MYH10: variants seen among roughly 807,000 people sequenced by gnomAD.
The protein encoded by MYH10 is myosin heavy chain 10.
A neutral mutation model predicts 257.8 loss-of-function variants in MYH10; 55 were observed. That is an observed-to-expected ratio of 0.21 (90% CI 0.17 to 0.27). The LOEUF (loss-of-function observed/expected upper bound fraction) is 0.27, where lower values mean the gene tolerates loss of function less well. Among genes scored for constraint, MYH10 ranks in the 10% least tolerant of loss-of-function variants. The pLI is 1.00. For synonymous variants in MYH10, 854 were observed against 921.7 expected (o/e 0.93, Z 1.33); for missense variants, 1,631 against 2,500.6 (o/e 0.65, Z 7.42).
At position 8,477,034 on chromosome 17, in the gene MYH10, G is replaced by T; in HGVS notation, c.5721C>A (p.Asn1907Lys). ...GGCGTTTAAGCTGCTTCATCCGAGC[G>T]TTGGCCTTCTCCATCTTGGGGAGGG... ...DQYKEQMEKANARMKQLKRQL... is the reference protein window; with the variant it reads ...DQYKEQMEKAKARMKQLKRQL... The change falls in exon 42 of 43, where the codon AAC becomes AAA. Residue 1907 changes from asparagine to lysine, a missense_variant. Asn to Lys is a moderately conservative substitution (Grantham distance 94). Around this residue, in one of 11 missense-constraint regions of MYH10, gnomAD observed 343 missense variants for 389.5 expected, o/e 0.88. Coordinates refer to ENST00000360416, the MANE Select transcript of MYH10 (RefSeq NM_001256012.3). The surrounding 1 kb of genome is among the most constrained non-coding windows in gnomAD (Gnocchi z 4.2). The T allele has an allele frequency of 6.2e-7, 1 of 1,614,090 alleles. No individual in the cohort carries two copies. Among genetic ancestry groups the T allele is most frequent in the Non-Finnish European group, 8.5e-7 (1 of 1,180,040 alleles).
chr17:8,512,340 A>C, intron 24 of MYH10, 111 bp downstream of exon 24: 1 of 803,694 alleles, frequency 1.2e-6, no homozygotes. Flanking sequence ...ATAACCCAGA[A>C]CCCTTTTGCT....
rs766667709 is a variant in MYH10, at chr17:8,492,809, G to C, written c.4425C>G (p.Ser1475=). 18 of 1,613,896 alleles carry C rather than the reference G, an allele frequency of 1.1e-5. No individual in the cohort carries two copies. The highest frequency in any genetic ancestry group is 1.4e-5 in the Non-Finnish European group (16 of 1,180,000). Residue 1475 remains serine (S), a synonymous_variant, in exon 33 of 43, where the codon TCC becomes TCG. Coordinates refer to ENST00000360416, the MANE Select transcript of MYH10 (RefSeq NM_001256012.3). ...VDLDHQRQVA[S]NLEKKQKKFD... ...ACTTCTTCTGCTTCTTCTCCAAGTT[G>C]GAGGCGACCTGGCGCTGGTGGTCCA... is the stretch of plus-strand genomic sequence containing the variant.
intron 7 of MYH10, among the ~76,000 whole-genome samples, chr17:8,559,478 ATTC>A (rs1342503021): frequency 6.6e-6 from 1 of 152,198 alleles, no homozygotes. Flanking sequence ...CAATCCCATT[ATTC>A]TTATTATTTT....
At chr17:8,541,661 T>TA (rs539177345) in intron 14 of MYH10, among the ~76,000 whole-genome samples, 22 of 146,888 alleles carry the variant, frequency 1.5e-4, no homozygotes, top group South Asian at 2.2e-4. Context: ...AACTTCAAAT[T>TA]AAAAAAAAAA....
rs778511117 is a variant in MYH10 at position 8,512,489 on chromosome 17, G to A, written c.2914C>T (p.Leu972Phe). 6.2e-7 allele frequency: 1 copy of A among 1,613,292 alleles called. No homozygotes were observed. The highest frequency in any genetic ancestry group is 8.5e-7 in the Non-Finnish European group (1 of 1,179,774). Residue 972 changes from leucine (L) to phenylalanine (F), a missense_variant, in exon 24 of 43, where the codon CTC (leucine) becomes TTC (phenylalanine). By Grantham distance (22) the Leu-to-Phe change is conservative (BLOSUM62 0). Coordinates refer to ENST00000360416, the MANE Select transcript of MYH10 (RefSeq NM_001256012.3). Reference protein sequence around the residue: ...VEEEEERNQILQNEKKKMQAH... With the variant: ...VEEEEERNQIFQNEKKKMQAH... ...TGCATTTTTTTCTTTTCATTTTGGA[G>A]GATTTGGTTTCTTTCTTCTTCTTCT...
intron 37 of MYH10, among the ~76,000 whole-genome samples, chr17:8,482,005 G>C (rs1913902414): frequency 6.6e-6 from 1 of 152,216 alleles, no homozygotes; most frequent in Admixed American, 6.5e-5. Context: ...GGGGCTCTCA[G>C]AGGACTGGAC....
intron 7 of MYH10, among the ~76,000 whole-genome samples, chr17:8,562,931 G>T (rs1404982644): frequency 6.6e-6 from 1 of 152,146 alleles, no homozygotes; most frequent in African/African-American, 2.4e-5. Flanking sequence ...TCGATTTCTA[G>T]AATCTTTTCT....
At chr17:8,544,589 G>C (rs2082387279) in intron 13 of MYH10, among the ~76,000 whole-genome samples, 1 of 151,752 alleles carries the variant, frequency 6.6e-6, no homozygotes, top group Non-Finnish European at 1.5e-5. Context: ...ATTTTAAAGG[G>C]GTTCATTTTA....
In MYH10 at chr17:8,573,633, G is replaced by A. The variant is rs371724620; in HGVS notation, c.663+3010C>T. On this transcript the variant is annotated intron_variant, in intron 6 of 42. Coordinates refer to ENST00000360416, the MANE Select transcript of MYH10 (RefSeq NM_001256012.3). The stretch of plus-strand genomic sequence containing the variant: ...GTCTCTAAGAGCAACCTCTCTTGAG[G>A]AAAGAGGGCACACAGAAGCTGTACT... Among the ~76,000 whole-genome samples, 205 of 152,316 alleles carry A rather than the reference G, an allele frequency of 1.3e-3. No individual in the cohort carries two copies. The South Asian group carries it at 0.016, about 12-fold the overall frequency.
rs2082309363 is a variant in MYH10 at position 8,542,181 on chromosome 17, G to A, written c.1531C>T (p.Arg511Cys). ...ATGAAGTTCCACTCGATGCCTTCGC[G>A]CTGGTATTCCTCTTGTTCTAGGATA... Reference protein sequence around the residue: ...MFILEQEEYQREGIEWNFIDF... With the variant: ...MFILEQEEYQCEGIEWNFIDF... Residue 511 changes from arginine to cysteine, a missense_variant, in exon 14 of 43, where the codon CGC becomes TGC. Coordinates refer to ENST00000360416, the MANE Select transcript of MYH10 (RefSeq NM_001256012.3). 1 of 1,614,152 alleles carries A rather than the reference G, an allele frequency of 6.2e-7. No individual in the cohort carries two copies. The highest frequency in any genetic ancestry group is 8.5e-7 in the Non-Finnish European group (1 of 1,180,020).
chr17:8,561,954 G>A (rs778935055), intron 7 of MYH10, among the ~76,000 whole-genome samples: 5 of 152,196 alleles, frequency 3.3e-5, no homozygotes, highest in African/African-American at 1.2e-4. Context: ...CCTGTGGTGT[G>A]GAAGGAGGCA....
intron 40 of MYH10, 93 bp from the exon 41 acceptor site, chr17:8,478,539 G>T: frequency 8.6e-7 from 1 of 1,161,912 alleles, no homozygotes; most frequent in South Asian, 1.3e-5. Flanking sequence ...TTGGGAAGAT[G>T]ACACATGGTG....
At chr17:8,495,306 G>A in intron 30 of MYH10, 65 bp from the exon 31 acceptor site, 2 of 1,018,394 alleles carry the variant, frequency 2.0e-6, no homozygotes, top group Non-Finnish European at 3.1e-6. Flanking sequence ...TAGAAACACA[G>A]CTTTTAAACA....
chr17:8,574,114 A>T (rs2083429523), intron 6 of MYH10, among the ~76,000 whole-genome samples: 1 of 152,234 alleles, frequency 6.6e-6, no homozygotes, highest in East Asian at 1.9e-4. Flanking sequence ...AATGGCCAAA[A>T]AGTAGAAAAA....
intron 30 of MYH10, among the ~76,000 whole-genome samples, chr17:8,497,315 G>A (rs944731853): frequency 6.6e-6 from 1 of 152,084 alleles, no homozygotes; most frequent in Non-Finnish European, 1.5e-5. Flanking sequence ...TACCAATAAG[G>A]ACTCATCGAC....
Position 8,577,384 on chromosome 17 carries a change from C to T in MYH10, c.531-46G>A, listed in dbSNP as rs766627500. 3 of 1,161,878 alleles carry T rather than the reference C, an allele frequency of 2.6e-6. No homozygotes were observed. The Admixed American group carries it at 5.9e-5, about 23-fold the overall frequency. The allele number at this position is 1,161,878 out of a possible 1,614,324, so 72.0% of individuals were successfully genotyped here. On this transcript the variant is annotated intron_variant, in intron 4 of 42. Transcript: ENST00000360416. The stretch of plus-strand genomic sequence containing the variant: ...AGGCTGCTTTAACGAAAGCACAGCA[C>T]ATGCATTCCAAAATTACAACTGATA...
intron 8 of MYH10, among the ~76,000 whole-genome samples, 189 bp downstream of exon 8, chr17:8,553,766 G>A (rs1305959545): frequency 6.6e-6 from 1 of 152,148 alleles, no homozygotes; most frequent in Non-Finnish European, 1.5e-5. Context: ...TTATGGCCTG[G>A]TTTTACAAAC....
chr17:8,595,906 T>C (rs2084351469), intron 3 of MYH10, among the ~76,000 whole-genome samples: 1 of 152,204 alleles, frequency 6.6e-6, no homozygotes. Context: ...CATAAAATAA[T>C]GCTCTTTGTC....
intron 24 of MYH10, among the ~76,000 whole-genome samples, chr17:8,510,546 A>T (rs561623228): frequency 3.3e-5 from 5 of 152,218 alleles, no homozygotes; most frequent in Non-Finnish European, 7.3e-5. Context: ...AATATTGAGT[A>T]ACTATGAACA....
Sources: gnomAD v4.1 joint callset for allele counts (sites outside exome capture counted in the v4.1 genomes callset) on GRCh38, gnomAD v4.1.1 for gene constraint, gnomAD v4.1.1 regional missense constraint, Gnocchi (gnomAD v3.1) non-coding constraint, MANE v1.5 for transcripts, NCBI Gene and HGNC (gene_info 2026-07-23, HGNC 2026-07-21) for gene names.